The following ZBTB20 variants were observed in gnomAD, a reference collection of about 807,000 sequenced individuals.
The protein encoded by ZBTB20 is zinc finger and BTB domain-containing protein 20.
A neutral mutation model predicts 56.9 loss-of-function variants in ZBTB20; 9 were observed. That is an observed-to-expected ratio of 0.16 (90% CI 0.10 to 0.28). The LOEUF (loss-of-function observed/expected upper bound fraction) is 0.28, where lower values mean the gene tolerates loss of function less well. Among genes scored for constraint, ZBTB20 ranks in the 10% least tolerant of loss-of-function variants. ZBTB20 has a pLI of 1.00. For synonymous variants in ZBTB20, 417 were observed against 420.7 expected, an observed-to-expected ratio of 0.99 and a Z score of 0.11; for missense variants, 655 against 1,003.0, an observed-to-expected ratio of 0.65 and a Z score of 4.69.
In ZBTB20 at chr3:115,047,858, G is replaced by A. The variant is rs74329306; in HGVS notation, c.-507+23361C>T. Reference sequence around the variant, plus strand: ...CACACAATGACCTGGAATTGTGACAGTTCCTCAGTCCCAGAGATGCTATAT... The same window carrying A: ...CACACAATGACCTGGAATTGTGACAATTCCTCAGTCCCAGAGATGCTATAT... On this transcript the variant is annotated intron_variant, in intron 2 of 11. Coordinates refer to ENST00000675478, the MANE Select transcript of ZBTB20 (RefSeq NM_001348800.3). 6.7e-3 allele frequency among the ~76,000 whole-genome samples: 1,024 copies of A among 152,188 alleles called. 12 individuals are homozygous for A. Among genetic ancestry groups the A allele is most frequent in the African/African-American group, 0.023 (974 of 41,514 alleles).
At chr3:114,628,510 A>G (rs2058762741) in intron 6 of ZBTB20, among the ~76,000 whole-genome samples, 1 of 152,114 alleles carries the variant, frequency 6.6e-6, no homozygotes, top group Admixed American at 6.6e-5. Context: ...AATCAATCCC[A>G]GACACCATCA....
At chr3:114,606,066 C>T (rs541301817) in intron 6 of ZBTB20, among the ~76,000 whole-genome samples, 3 of 152,168 alleles carry the variant, frequency 2.0e-5, no homozygotes, top group Non-Finnish European at 4.4e-5. Flanking sequence ...GAGAACTGTA[C>T]TTATTGCACA....
At chr3:114,422,918 GA>G (rs745325858) in intron 7 of ZBTB20, among the ~76,000 whole-genome samples, 1 of 152,064 alleles carries the variant, frequency 6.6e-6, no homozygotes, top group Non-Finnish European at 1.5e-5. Flanking sequence ...CATGACCAAT[GA>G]TTGGCAAAGT....
At chr3:115,073,156 A>C (rs1000382698) in intron 1 of ZBTB20, among the ~76,000 whole-genome samples, 1 of 152,198 alleles carries the variant, frequency 6.6e-6, no homozygotes, top group African/African-American at 2.4e-5. Flanking sequence ...GCTGTCATTG[A>C]TTCAAACATT....
intron 7 of ZBTB20, among the ~76,000 whole-genome samples, chr3:114,425,157 CAGCTGA>C (rs2089540296): frequency 6.7e-6 from 1 of 149,204 alleles, no homozygotes; most frequent in Non-Finnish European, 1.5e-5. Flanking sequence ...ACCCTGTTTA[CAGCTGA>C]AGCAGTGATA....
rs573459448 is a variant in ZBTB20 at position 115,003,001 on chromosome 3, G to C, written c.-506-28585C>G. ...TAAAGAGAAGTGAGCTATTAATCAT[G>C]AAACTATACAGGGAAACCTTAAGTG... On this transcript the variant is annotated intron_variant, in intron 2 of 11. Coordinates refer to ENST00000675478, the MANE Select transcript of ZBTB20 (RefSeq NM_001348800.3). 6.6e-5 allele frequency among the ~76,000 whole-genome samples: 10 copies of C among 151,720 alleles called. No individual in the cohort carries two copies. The South Asian group carries it at 1.0e-3, about 16-fold the overall frequency.
chr3:114,758,399 G>A (rs968850677), intron 5 of ZBTB20, among the ~76,000 whole-genome samples: 4 of 152,086 alleles, frequency 2.6e-5, no homozygotes, highest in South Asian at 2.1e-4. Context: ...TATTATAGAC[G>A]TCTGAAGTTT....
At chr3:114,550,553 A>G (rs577343539) in intron 6 of ZBTB20, among the ~76,000 whole-genome samples, 2 of 152,198 alleles carry the variant, frequency 1.3e-5, no homozygotes, top group East Asian at 1.9e-4. Flanking sequence ...TGGCAAGTTA[A>G]TAAGTGCATT....
chr3:115,077,955 G>A (rs749303993), intron 1 of ZBTB20, among the ~76,000 whole-genome samples: 1 of 152,162 alleles, frequency 6.6e-6, no homozygotes, highest in Non-Finnish European at 1.5e-5. Context: ...TGATGCACTT[G>A]TACCAAATCA....
intron 5 of ZBTB20, among the ~76,000 whole-genome samples, chr3:114,696,385 G>C (rs754996066): frequency 7.2e-5 from 11 of 151,878 alleles, no homozygotes; most frequent in Non-Finnish European, 1.3e-4. Context: ...ACTAATGATC[G>C]CATCCATCCT....
At chr3:115,061,589 C>G (rs1166730807) in intron 2 of ZBTB20, among the ~76,000 whole-genome samples, 3 of 152,134 alleles carry the variant, frequency 2.0e-5, no homozygotes, top group African/African-American at 7.2e-5. Context: ...TCTGCCTTCT[C>G]TGTGTCATCT....
intron 2 of ZBTB20, among the ~76,000 whole-genome samples, chr3:115,054,800 A>C (rs567056283): frequency 7.4e-4 from 112 of 152,264 alleles, no homozygotes; most frequent in Middle Eastern, 3.4e-3. Context: ...TATTCATAAA[A>C]GTAATGCAAT....
chr3:114,959,716 TACATACAC>T (rs1197275248), intron 3 of ZBTB20, among the ~76,000 whole-genome samples: 3 of 107,794 alleles, frequency 2.8e-5, no homozygotes, highest in African/African-American at 1.2e-4. Flanking sequence ...TATATTTATA[TACATACAC>T]ACACACACAC....
intron 7 of ZBTB20, among the ~76,000 whole-genome samples, chr3:114,493,148 C>T (rs1041636875): frequency 6.6e-5 from 10 of 152,136 alleles, no homozygotes; most frequent in African/African-American, 2.4e-4. Context: ...TTGAGATTAG[C>T]TTTTTCACCC....
At chr3:114,446,123 A>G (rs2091257154) in intron 7 of ZBTB20, among the ~76,000 whole-genome samples, 2 of 152,142 alleles carry the variant, frequency 1.3e-5, no homozygotes, top group Non-Finnish European at 2.9e-5. Flanking sequence ...TTCTAAACAC[A>G]TAGCTTAAAT....
intron 6 of ZBTB20, among the ~76,000 whole-genome samples, chr3:114,589,474 T>C (rs1248635198): frequency 1.3e-5 from 2 of 152,240 alleles, no homozygotes; most frequent in African/African-American, 4.8e-5. Context: ...TTTGATTTTC[T>C]GTCCTATTCT....
At chr3:114,669,642 A>C (rs1346965758) in intron 6 of ZBTB20, among the ~76,000 whole-genome samples, 2 of 151,882 alleles carry the variant, frequency 1.3e-5, no homozygotes, top group East Asian at 3.9e-4. Flanking sequence ...AAAAAAAACT[A>C]GCCCAAATGA....
chr3:114,997,082 T>C (rs2079058349), intron 2 of ZBTB20, among the ~76,000 whole-genome samples: 1 of 151,864 alleles, frequency 6.6e-6, no homozygotes, highest in Non-Finnish European at 1.5e-5. Context: ...TGGCAATTCC[T>C]CAAGAATGGT....
chr3:114,996,055 C>T (rs2079013560), intron 2 of ZBTB20, among the ~76,000 whole-genome samples: 1 of 151,742 alleles, frequency 6.6e-6, no homozygotes, highest in African/African-American at 2.4e-5. Flanking sequence ...ATAACATGAG[C>T]TACAATAATA....
Sources: allele counts gnomAD v4.1 joint callset (sites outside exome capture counted in the v4.1 genomes callset), GRCh38; gene constraint gnomAD v4.1.1; transcripts MANE v1.5; gene names NCBI Gene and HGNC (gene_info 2026-07-23, HGNC 2026-07-21).